Variants in RIN3 observed in about 807,000 individuals in gnomAD.
RIN3 encodes Ras and Rab interactor 3.
In RIN3, 54 loss-of-function variants were observed where a neutral mutation model predicts 76.3. The observed-to-expected ratio is 0.71, with a 90% confidence interval of 0.57 to 0.89. The LOEUF (loss-of-function observed/expected upper bound fraction) is 0.89. Among genes scored for constraint, RIN3 ranks in the 40% least tolerant of loss-of-function variants. The pLI, the probability that RIN3 is intolerant of heterozygous loss-of-function variation, is 0.00. For synonymous variants in RIN3, 576 were observed against 564.0 expected (o/e 1.02, Z -0.30); for missense variants, 1,256 against 1,322.1 (o/e 0.95, Z 0.78).
chr14:92,574,642 A>G, intron 2 of RIN3, among the ~76,000 whole-genome samples: 1 of 152,186 alleles, frequency 6.6e-6, no homozygotes, highest in Non-Finnish European at 1.5e-5. Context: ...ATCTGCCTAA[A>G]TAATTTCTTT....
At chr14:92,600,439 A>G (rs1885303033) in intron 3 of RIN3, among the ~76,000 whole-genome samples, 1 of 152,160 alleles carries the variant, frequency 6.6e-6, no homozygotes, top group South Asian at 2.1e-4. Context: ...CAGGCTGGCT[A>G]TTTACAAGCA....
In RIN3 at chr14:92,684,207, C is replaced by A. The variant is rs544112740; in HGVS notation, c.2468-780C>A. On this transcript the variant is annotated intron_variant, in intron 8 of 9. Transcript: ENST00000216487. ...CCAGCATGGCCAGCATGGCGACACC[C>A]CATCTCTACTGAAAATACAAAAATT... 3.3e-5 allele frequency among the ~76,000 whole-genome samples: 5 copies of A among 152,210 alleles called. No homozygotes were observed. In the South Asian group the frequency reaches 1.0e-3, roughly 32 times the overall value.
chr14:92,584,327 A>G (rs1252237551), intron 3 of RIN3, among the ~76,000 whole-genome samples: 1 of 152,336 alleles, frequency 6.6e-6, no homozygotes. Context: ...AGCAGAATCC[A>G]TGACTGTTTC....
intron 1 of RIN3, among the ~76,000 whole-genome samples, chr14:92,542,795 T>A (rs1897157162): frequency 6.6e-6 from 1 of 152,196 alleles, no homozygotes; most frequent in Non-Finnish European, 1.5e-5. Flanking sequence ...ACTACATGGA[T>A]GAACCTTGAA....
At chr14:92,580,221 T>C (rs913031206) in intron 3 of RIN3, among the ~76,000 whole-genome samples, 2 of 152,184 alleles carry the variant, frequency 1.3e-5, no homozygotes, top group Non-Finnish European at 2.9e-5. Context: ...ATACAAAAAT[T>C]AGCTGGGTGT....
chr14:92,662,493 G>A (rs929693770), intron 7 of RIN3, among the ~76,000 whole-genome samples: 25 of 152,324 alleles, frequency 1.6e-4, no homozygotes, highest in Admixed American at 1.2e-3. Flanking sequence ...GTTTCCTCTT[G>A]TGTTCAATAG....
intron 3 of RIN3, among the ~76,000 whole-genome samples, chr14:92,597,869 C>A (rs1885206414): frequency 6.6e-6 from 1 of 152,102 alleles, no homozygotes; most frequent in African/African-American, 2.4e-5. Context: ...GGTGCTCAGG[C>A]CTTAAGGAAG....
Position 92,584,447 on chromosome 14 carries a change from C to T in RIN3, c.367+6970C>T, listed in dbSNP as rs78740227. On this transcript the variant is annotated intron_variant, in intron 3 of 9. Coordinates refer to ENST00000216487, the MANE Select transcript of RIN3 (RefSeq NM_024832.5). ...CAGTAGGATGGGAAGTCTAATCCTC[C>T]GGCAAGCATGTGACCCACAGGGCAG... is the stretch of plus-strand genomic sequence containing the variant. 6.6e-3 allele frequency among the ~76,000 whole-genome samples: 1,012 copies of T among 152,290 alleles called. 7 individuals carry two copies. Among genetic ancestry groups the T allele is most frequent in the African/African-American group, 0.023 (952 of 41,534 alleles).
At chr14:92,615,881 G>A (rs1427648842) in intron 4 of RIN3, 1 of 186,590 alleles carries the variant, frequency 5.4e-6, no homozygotes, top group African/African-American at 2.3e-5. Flanking sequence ...GCTGCTGGGT[G>A]GAGCGGGTGT....
intron 6 of RIN3, among the ~76,000 whole-genome samples, chr14:92,658,346 C>T (rs2181384): frequency 0.99 from 150,705 of 152,342 alleles, 74,564 homozygotes; most frequent in Middle Eastern, 1. Context: ...GCAAAGGCCC[C>T]GGGGCAGGAG....
Position 92,664,533 on chromosome 14 carries a change from AT to A in RIN3, c.2335+5074del, listed in dbSNP as rs58967829. On this transcript the variant is annotated intron_variant, in intron 7 of 9. Coordinates refer to ENST00000216487, the MANE Select transcript of RIN3 (RefSeq NM_024832.5). ...CAGGTGGCTGCCACCATGCCCAGCT[AT>A]TTTTTTTTTGTATTTTTAGTAGAAA... Among the ~76,000 whole-genome samples the A allele has an allele frequency of 1.8e-3, 268 of 147,490 alleles. 2 individuals are homozygous for A. The highest frequency in any genetic ancestry group is 4.8e-3 in the African/African-American group (192 of 40,294).
chr14:92,575,307 C>T (rs74072967), intron 2 of RIN3, among the ~76,000 whole-genome samples: 2,160 of 152,122 alleles, frequency 0.014, 52 homozygotes, highest in African/African-American at 0.048. Flanking sequence ...CGTATCCTCA[C>T]GTTACCAGAA....
chr14:92,638,993 G>A (rs8017311), intron 4 of RIN3, among the ~76,000 whole-genome samples: 77,232 of 152,146 alleles, frequency 0.51, 20,190 homozygotes, highest in Non-Finnish European at 0.59. Context: ...ACATCGCTGA[G>A]CAGAGGTTCC....
chr14:92,663,820 G>A (rs1887971682), intron 7 of RIN3, among the ~76,000 whole-genome samples: 2 of 152,112 alleles, frequency 1.3e-5, no homozygotes, highest in Admixed American at 6.5e-5. Flanking sequence ...AATCTCCCTG[G>A]ACCTTTGTTT....
chr14:92,628,551 C>T (rs981516086), intron 4 of RIN3, among the ~76,000 whole-genome samples: 2 of 152,152 alleles, frequency 1.3e-5, no homozygotes, highest in Non-Finnish European at 2.9e-5. Flanking sequence ...CCTTTGGTAC[C>T]TGGGTGTAAT....
chr14:92,678,627 G>A (rs9944166), intron 8 of RIN3, among the ~76,000 whole-genome samples: 1 of 149,328 alleles, frequency 6.7e-6, no homozygotes, highest in Non-Finnish European at 1.5e-5. Flanking sequence ...ACCCACCTAC[G>A]CAATCACACA....
chr14:92,688,653 C>T lies in RIN3; in HGVS notation c.*401C>T. The T allele has an allele frequency of 4.7e-6, 1 of 211,110 alleles. No homozygotes were observed. Among genetic ancestry groups the T allele is most frequent in the South Asian group, 9.2e-5 (1 of 10,906 alleles). 13.1% of individuals were successfully genotyped at this position (211,110 alleles called of 1,614,324 possible). A position where few individuals can be genotyped will look rare whatever the true frequency, so the allele number is the denominator to read the frequency against. ...CCGAGCTTAGTTTCCCCAGGACTGG[C>T]CTAGGAAGGAGCACCGGCCACAGCT... On this transcript the variant is annotated 3_prime_UTR_variant, in exon 10 of 10. Coordinates refer to ENST00000216487, the MANE Select transcript of RIN3 (RefSeq NM_024832.5).
chr14:92,531,689 G>A (rs1426341058), intron 1 of RIN3, among the ~76,000 whole-genome samples: 1 of 152,186 alleles, frequency 6.6e-6, no homozygotes, highest in African/African-American at 2.4e-5. Context: ...GGAGCAATGT[G>A]ACGCTGTGTA....
intron 2 of RIN3, among the ~76,000 whole-genome samples, chr14:92,566,162 T>C (rs1897910467): frequency 6.6e-6 from 1 of 152,178 alleles, no homozygotes; most frequent in Admixed American, 6.5e-5. Context: ...GTTCGTCTAG[T>C]GGGAAGTCTG....
Sources: gnomAD v4.1 joint callset for allele counts (sites outside exome capture counted in the v4.1 genomes callset) on GRCh38, gnomAD v4.1.1 for gene constraint, MANE v1.5 for transcripts, NCBI Gene and HGNC (gene_info 2026-07-23, HGNC 2026-07-21) for gene names.